The following IL16 variants were observed in gnomAD, a reference collection of about 807,000 sequenced individuals.
The protein encoded by IL16 is interleukin 16, also known as pro-interleukin-16.
In IL16, 67 loss-of-function variants were observed where a neutral mutation model predicts 110.1. That is an observed-to-expected ratio of 0.61 (90% CI 0.50 to 0.75). IL16 has a LOEUF of 0.75. Among genes scored for constraint, IL16 ranks in the 30% least tolerant of loss-of-function variants. The pLI is 0.00. For missense variants in IL16, 1,545 were observed against 1,655.0 expected, an observed-to-expected ratio of 0.93 and a Z score of 1.15; for synonymous variants, 689 against 662.9, an observed-to-expected ratio of 1.04 and a Z score of -0.61.
At chr15:81,291,465 CTT>C (rs992019253) in intron 11 of IL16, among the ~76,000 whole-genome samples, 5 of 151,864 alleles carry the variant, frequency 3.3e-5, no homozygotes, top group African/African-American at 1.2e-4. Flanking sequence ...AAAAAGAAAA[CTT>C]TTTATTTAAA....
Position 81,207,000 on chromosome 15 carries a change from G to A in IL16, c.-102+9848G>A, listed in dbSNP as rs140926799. On this transcript the variant is annotated intron_variant, in intron 1 of 18. Coordinates refer to ENST00000683961, the MANE Select transcript of IL16 (RefSeq NM_172217.5). ...TGTAATCCCAACACTTTGGGAGGCC[G>A]AGGCAGGTGGATCACGAGGTCAGGA... Among the ~76,000 whole-genome samples the A allele has an allele frequency of 6.5e-3, 981 of 152,068 alleles. 13 individuals carry two copies. Among genetic ancestry groups the A allele is most frequent in the African/African-American group, 0.022 (921 of 41,484 alleles).
At chr15:81,187,633 G>T (rs1416180103) in intron 1 of IL16, among the ~76,000 whole-genome samples, 1 of 152,166 alleles carries the variant, frequency 6.6e-6, no homozygotes, top group Admixed American at 6.5e-5. Context: ...ACCCCATAAA[G>T]CTCTTTTGTG....
intron 11 of IL16, 89 bp from the exon 12 acceptor site, chr15:81,292,467 T>G (rs748765166): frequency 1.3e-6 from 2 of 1,576,990 alleles, no homozygotes; most frequent in South Asian, 2.2e-5. Context: ...ATGTGCAGTG[T>G]GCTGCCCGTG....
intron 1 of IL16, among the ~76,000 whole-genome samples, chr15:81,211,133 C>T (rs1896225174): frequency 6.6e-6 from 1 of 151,704 alleles, no homozygotes; most frequent in South Asian, 2.1e-4. Context: ...AATCATCGCG[C>T]ACTGCAGCCT....
At chr15:81,267,794 T>G (rs1333354379) in intron 4 of IL16, among the ~76,000 whole-genome samples, 4 of 152,208 alleles carry the variant, frequency 2.6e-5, no homozygotes, top group Non-Finnish European at 4.4e-5. Flanking sequence ...AAGGATGCTT[T>G]CTAACTCAGG....
intron 11 of IL16, 142 bp from the exon 12 acceptor site, chr15:81,292,414 T>C: frequency 8.1e-7 from 1 of 1,231,814 alleles, no homozygotes; most frequent in Non-Finnish European, 1.2e-6. Context: ...AAGACTGCCA[T>C]ACTCCAGATC....
intron 2 of IL16, among the ~76,000 whole-genome samples, chr15:81,257,971 C>T (rs1898008004): frequency 6.6e-6 from 1 of 152,124 alleles, no homozygotes; most frequent in Admixed American, 6.5e-5. Context: ...ATTCAGAGAG[C>T]TTTCCTGAAA....
chr15:81,280,019 C>G (rs1282656940), intron 8 of IL16, among the ~76,000 whole-genome samples: 1 of 152,198 alleles, frequency 6.6e-6, no homozygotes, highest in African/African-American at 2.4e-5. Context: ...AAGAAAAACT[C>G]AAACACAAAA....
chr15:81,189,766 A>G (rs930464467), intron 1 of IL16, among the ~76,000 whole-genome samples: 4 of 152,246 alleles, frequency 2.6e-5, no homozygotes. Flanking sequence ...AAGCATCTGG[A>G]GGAACTTCAA....
rs1425758451 is a variant in IL16, at chr15:81,310,665, A to T, written c.*1867A>T. ...GGAGGGCACATTCCTTGCCTGCACAAACTCACCATCTGTGCACGCAGTGGC... is the reference window on the plus strand; with the variant it reads ...GGAGGGCACATTCCTTGCCTGCACATACTCACCATCTGTGCACGCAGTGGC... On this transcript the variant is annotated 3_prime_UTR_variant, in exon 19 of 19. Transcript: ENST00000683961. 6.6e-6 allele frequency: 1 copy of T among 152,212 alleles called. No individual in the cohort carries two copies. The highest frequency in any genetic ancestry group is 1.5e-5 in the Non-Finnish European group (1 of 68,038). 9.4% of individuals were successfully genotyped at this position (152,212 alleles called of 1,614,324 possible).
intron 1 of IL16, among the ~76,000 whole-genome samples, chr15:81,183,914 T>C (rs1425218440): frequency 6.6e-6 from 1 of 152,160 alleles, no homozygotes; most frequent in African/African-American, 2.4e-5. Flanking sequence ...ATAACTAAGA[T>C]AAAGTGTGTG....
chr15:81,206,866 A>AATGGTGATG (rs1555412526), intron 1 of IL16, among the ~76,000 whole-genome samples: 1 of 150,876 alleles, frequency 6.6e-6, no homozygotes, highest in Non-Finnish European at 1.5e-5. Flanking sequence ...GGCTTTAAAT[A>AATGGTGATG]ATGATGATGA....
intron 1 of IL16, among the ~76,000 whole-genome samples, chr15:81,199,687 A>G (rs1202264652): frequency 6.6e-6 from 1 of 152,138 alleles, no homozygotes; most frequent in African/African-American, 2.4e-5. Context: ...CCAAAGGTTC[A>G]AGGCTCCCCT....
intron 3 of IL16, among the ~76,000 whole-genome samples, chr15:81,263,362 T>C (rs1198756493): frequency 6.6e-6 from 1 of 151,454 alleles, no homozygotes; most frequent in Non-Finnish European, 1.5e-5. Context: ...TTTTGTTTTT[T>C]TTTTTTTTGC....
intron 3 of IL16, among the ~76,000 whole-genome samples, chr15:81,262,967 T>C (rs1459944439): frequency 6.6e-6 from 1 of 152,212 alleles, no homozygotes; most frequent in Non-Finnish European, 1.5e-5. Context: ...TTGAAATCAG[T>C]GTTATAGATC....
intron 11 of IL16, 33 bp from the exon 12 acceptor site, chr15:81,292,523 A>G: frequency 3.1e-6 from 5 of 1,611,982 alleles, no homozygotes; most frequent in Non-Finnish European, 4.2e-6. Context: ...TCTGAAGCTC[A>G]GCTGTGAAGA....
rs758027577 is a variant in IL16, at chr15:81,313,323, A to G, written c.*4525A>G. ...AAACCGGGTCATGCTGCGGGGGAAG[A>G]AGGAGTCCACCACGTTCTGTGGGAG... On this transcript the variant is annotated 3_prime_UTR_variant, in exon 19 of 19. Coordinates refer to ENST00000683961, the MANE Select transcript of IL16 (RefSeq NM_172217.5). The G allele has an allele frequency of 6.3e-6, 10 of 1,578,940 alleles. No homozygotes were observed. Among genetic ancestry groups the G allele is most frequent in the Middle Eastern group, 1.7e-4 (1 of 6,030 alleles).
Position 81,308,915 on chromosome 15 carries a change from T to C in IL16, c.*117T>C. ...CAGATGGGGGAAAGCACAGGTGGGC[T>C]TCCCAGTGGCTGCTGCCCAGGCCCA... On this transcript the variant is annotated 3_prime_UTR_variant, in exon 19 of 19. Coordinates refer to ENST00000683961, the MANE Select transcript of IL16 (RefSeq NM_172217.5). 1.1e-6 allele frequency: 1 copy of C among 895,436 alleles called. No individual in the cohort carries two copies. Among genetic ancestry groups the C allele is most frequent in the Non-Finnish European group, 1.7e-6 (1 of 597,446 alleles). The allele number at this position is 895,436 out of a possible 1,614,324, so 55.5% of individuals were successfully genotyped here.
intron 3 of IL16, among the ~76,000 whole-genome samples, chr15:81,265,346 G>A (rs1898328019): frequency 1.3e-5 from 2 of 152,190 alleles, no homozygotes; most frequent in South Asian, 4.1e-4. Context: ...ATGCAGCATT[G>A]TGGTTTCTGA....
Sources: allele counts gnomAD v4.1 joint callset (sites outside exome capture counted in the v4.1 genomes callset), GRCh38; gene constraint gnomAD v4.1.1; transcripts MANE v1.5; gene names NCBI Gene and HGNC (gene_info 2026-07-23, HGNC 2026-07-21).